Variants in RYR3 observed in about 807,000 individuals in gnomAD.
RYR3 encodes brain ryanodine receptor-calcium release channel.
RYR3 carries 207 observed loss-of-function variants against 584.3 expected under a neutral mutation model. That is an observed-to-expected ratio of 0.35 (90% CI 0.32 to 0.40). RYR3 has a LOEUF of 0.40. Among genes scored for constraint, RYR3 ranks in the 10% least tolerant of loss-of-function variants. The probability of loss-of-function intolerance (pLI) is 1.00; values close to 1 mark genes in which losing one functional copy is unlikely to be tolerated. For synonymous variants in RYR3, 2,416 were observed against 2,248.5 expected, an observed-to-expected ratio of 1.07 and a Z score of -2.11; for missense variants, 5,616 against 6,089.2, an observed-to-expected ratio of 0.92 and a Z score of 2.59.
chr15:33,865,465 T>C lies in RYR3; in HGVS notation c.*239T>C, dbSNP rs1890191857. The C allele has an allele frequency of 8.7e-6, 4 of 461,560 alleles. No individual in the cohort carries two copies. The Admixed American group carries it at 1.5e-4, about 18-fold the overall frequency. 28.6% of individuals were successfully genotyped at this position (461,560 alleles called of 1,614,324 possible). A position where few individuals can be genotyped will look rare whatever the true frequency, so the allele number is the denominator to read the frequency against. On this transcript the variant is annotated 3_prime_UTR_variant, in exon 104 of 104. Transcript: ENST00000634891. ...AGAAGGAAGGCGAAGAATCAAGTAA[T>C]CTCTAGGCAAATGCCTTCAAGTTTT...
At chr15:33,789,677 TTTTTTTTTTTTTTTTG>T (rs2075019224) in intron 67 of RYR3, among the ~76,000 whole-genome samples, 1 of 54,444 alleles carries the variant, frequency 1.8e-5, no homozygotes, top group East Asian at 6.7e-4. Flanking sequence ...TTTTTTTTTT[TTTTTTTTTTTTTTTTG>T]AGACGGAGTC....
At chr15:33,371,573 G>A (rs2040333782) in intron 1 of RYR3, among the ~76,000 whole-genome samples, 1 of 152,196 alleles carries the variant, frequency 6.6e-6, no homozygotes, top group African/African-American at 2.4e-5. Context: ...CATGATCTAA[G>A]CTTTATTGTC....
At chr15:33,484,460 G>A (rs935508621) in intron 2 of RYR3, among the ~76,000 whole-genome samples, 34 of 152,184 alleles carry the variant, frequency 2.2e-4, no homozygotes, top group Admixed American at 9.8e-4. Flanking sequence ...TTTGGCATAT[G>A]CAAAAGAAAA....
chr15:33,765,314 T>G (rs182635136), intron 60 of RYR3, among the ~76,000 whole-genome samples: 59 of 152,130 alleles, frequency 3.9e-4, no homozygotes, highest in Middle Eastern at 3.4e-3. Flanking sequence ...GACTTTTAAG[T>G]AGCAAAAAGC....
At chr15:33,473,138 C>A (rs1175745238) in intron 1 of RYR3, among the ~76,000 whole-genome samples, 1 of 152,110 alleles carries the variant, frequency 6.6e-6, no homozygotes, top group Non-Finnish European at 1.5e-5. Flanking sequence ...CTCACCTAGA[C>A]CATATGCTTT....
chr15:33,768,114 A>G (rs946467955), intron 60 of RYR3, among the ~76,000 whole-genome samples: 25 of 152,220 alleles, frequency 1.6e-4, no homozygotes, highest in African/African-American at 5.8e-4. Flanking sequence ...GACTAACTGG[A>G]GATGACAGAG....
At chr15:33,396,093 C>T (rs1031472569) in intron 1 of RYR3, among the ~76,000 whole-genome samples, 4 of 152,012 alleles carry the variant, frequency 2.6e-5, no homozygotes, top group African/African-American at 9.7e-5. Flanking sequence ...GGATTCATGC[C>T]GGTGACTTTT....
Position 33,821,586 on chromosome 15 carries a change from A to T in RYR3, c.10979A>T (p.Asn3660Ile). Reference sequence around the variant, plus strand: ...GGGATCGCCATTCTGAACGGAGGCAATGCTGGTGTGCAACAGGTAACGGGA... The same window carrying T: ...GGGATCGCCATTCTGAACGGAGGCATTGCTGGTGTGCAACAGGTAACGGGA... ...KLGIAILNGG[N>I]AGVQQKMLDY... The change falls in exon 80 of 104, where the codon AAT (asparagine) becomes ATT (isoleucine). Residue 3660 changes from asparagine to isoleucine, a missense_variant. Asn to Ile is a moderately radical substitution (Grantham distance 149, BLOSUM62 -3). Transcript: ENST00000634891. 1 of 1,613,934 alleles carries T rather than the reference A, an allele frequency of 6.2e-7. No homozygotes were observed. Among genetic ancestry groups the T allele is most frequent in the Non-Finnish European group, 8.5e-7 (1 of 1,179,862 alleles).
At chr15:33,616,714 C>T (rs2060470165) in intron 19 of RYR3, among the ~76,000 whole-genome samples, 1 of 152,186 alleles carries the variant, frequency 6.6e-6, no homozygotes, top group African/African-American at 2.4e-5. Context: ...GTGGGGTGTG[C>T]AGCGGGGCTT....
chr15:33,718,823 G>A (rs1273688394), intron 43 of RYR3, among the ~76,000 whole-genome samples: 1 of 152,200 alleles, frequency 6.6e-6, no homozygotes. Context: ...CATGAAGACA[G>A]TGTTGAAGCC....
intron 1 of RYR3, among the ~76,000 whole-genome samples, chr15:33,336,325 G>A (rs1014047001): frequency 1.3e-5 from 2 of 151,592 alleles, no homozygotes; most frequent in African/African-American, 2.4e-5. Context: ...CCAGTTACTC[G>A]GGAGGCTGAG....
In RYR3 at chr15:33,785,853, C is replaced by T. The variant is rs1476069245; in HGVS notation, c.9460C>T (p.Pro3154Ser). ...GTGGGAGCGGGGTCCTGAGAACCTG[C>T]CCCCCAGCACAGGGCCATGCTGCAC... ...YWWERGPENL[P>S]PSTGPCCTKV... The change falls in exon 66 of 104, where the codon CCC (proline) becomes TCC (serine). Residue 3154 changes from proline to serine, a missense_variant. Pro to Ser is a moderately conservative substitution (Grantham distance 74, BLOSUM62 -1). Around this residue, in one of 9 missense-constraint regions of RYR3, gnomAD observed 954 missense variants for 1,132.2 expected, o/e 0.84. Transcript: ENST00000634891. The T allele has an allele frequency of 1.9e-6, 3 of 1,613,626 alleles. 1 individual carries two copies. The highest frequency in any genetic ancestry group is 2.2e-5 in the South Asian group (2 of 91,052).
chr15:33,671,609 C>G (rs1430415853), intron 38 of RYR3, among the ~76,000 whole-genome samples: 3 of 152,076 alleles, frequency 2.0e-5, no homozygotes, highest in Non-Finnish European at 4.4e-5. Context: ...GTAGTTCCAT[C>G]AGTCACTCTG....
intron 46 of RYR3, among the ~76,000 whole-genome samples, chr15:33,727,655 C>T (rs1238672968): frequency 1.3e-5 from 2 of 152,214 alleles, no homozygotes; most frequent in African/African-American, 2.4e-5. Context: ...AAGGCCCCTT[C>T]TCTCTGGCTC....
intron 12 of RYR3, among the ~76,000 whole-genome samples, chr15:33,571,732 T>A (rs539401475): frequency 4.2e-4 from 64 of 152,206 alleles, no homozygotes; most frequent in Non-Finnish European, 8.7e-4. Flanking sequence ...CATATTTGAT[T>A]TTTTAAAATA....
At chr15:33,393,033 C>A (rs28760453) in intron 1 of RYR3, among the ~76,000 whole-genome samples, 4,082 of 152,124 alleles carry the variant, frequency 0.027, 76 homozygotes, top group Non-Finnish European at 0.038. Flanking sequence ...CTGAAAACAG[C>A]CTCCTCTAAG....
chr15:33,767,331 T>C (rs927775555), intron 60 of RYR3, among the ~76,000 whole-genome samples: 2 of 151,000 alleles, frequency 1.3e-5, no homozygotes, highest in African/African-American at 4.9e-5. Context: ...AAAAAAACCA[T>C]GGGAAGAAAA....
chr15:33,520,885 T>C (rs2053931860), intron 3 of RYR3, among the ~76,000 whole-genome samples: 1 of 152,168 alleles, frequency 6.6e-6, no homozygotes, highest in Admixed American at 6.5e-5. Flanking sequence ...GAAGCAGTGT[T>C]TGAAAAGTAT....
intron 27 of RYR3, among the ~76,000 whole-genome samples, chr15:33,637,342 A>G (rs2061549773): frequency 6.6e-6 from 1 of 152,238 alleles, no homozygotes; most frequent in African/African-American, 2.4e-5. Context: ...ATAAAATCTA[A>G]TGTTCTTCCC....
Sources: allele counts gnomAD v4.1 joint callset (sites outside exome capture counted in the v4.1 genomes callset), GRCh38; gene constraint gnomAD v4.1.1; regional missense constraint gnomAD v4.1.1; transcripts MANE v1.5; gene names NCBI Gene and HGNC (gene_info 2026-07-23, HGNC 2026-07-21).